ZCCHC24: variants seen among roughly 807,000 people sequenced by gnomAD.
ZCCHC24 encodes zinc finger CCHC domain-containing protein 24.
Under a neutral mutation model 26.2 loss-of-function variants are expected in ZCCHC24, and 10 were observed. That is an observed-to-expected ratio of 0.38 (90% CI 0.24 to 0.65). The LOEUF (loss-of-function observed/expected upper bound fraction) is 0.65. Ranked by LOEUF, ZCCHC24 falls within the 30% of genes least tolerant of loss-of-function variation. ZCCHC24 has a pLI of 0.54. For missense variants in ZCCHC24, 243 were observed against 329.1 expected (o/e 0.74, Z 2.03); for synonymous variants, 144 against 147.1 (o/e 0.98, Z 0.15).
chr10:79,384,044 A>C lies in ZCCHC24; in HGVS notation c.*2301T>G, dbSNP rs1407801817. The C allele has an allele frequency of 6.6e-6, 1 of 152,582 alleles. No individual in the cohort carries two copies. The highest frequency in any genetic ancestry group is 6.5e-5 in the Admixed American group (1 of 15,284). The allele number at this position is 152,582 out of a possible 1,614,324, so 9.5% of individuals were successfully genotyped here. A position where few individuals can be genotyped will look rare whatever the true frequency, so the allele number is the denominator to read the frequency against. On this transcript the variant is annotated 3_prime_UTR_variant, in exon 4 of 4. Coordinates refer to ENST00000372336, the MANE Select transcript of ZCCHC24 (RefSeq NM_153367.4). ...GCATGGCAGGGGCTTTGCTGACCAC[A>C]AGAGAGTTCCCCAGTTCAGCCAGAG...
intron 2 of ZCCHC24, among the ~76,000 whole-genome samples, chr10:79,425,728 T>C (rs1476408338): frequency 1.3e-5 from 2 of 152,216 alleles, no homozygotes; most frequent in East Asian, 3.8e-4. Context: ...AATGAGCTAA[T>C]ACATAGAATA....
At chr10:79,420,276 C>A (rs1323582018) in intron 2 of ZCCHC24, among the ~76,000 whole-genome samples, 1 of 152,140 alleles carries the variant, frequency 6.6e-6, no homozygotes, top group Non-Finnish European at 1.5e-5. Flanking sequence ...CTGGGCCTTC[C>A]CCTGTCCCCT....
At chr10:79,435,986 C>G (rs528624161) in intron 1 of ZCCHC24, among the ~76,000 whole-genome samples, 2 of 152,108 alleles carry the variant, frequency 1.3e-5, no homozygotes, top group South Asian at 2.1e-4. Context: ...TAAAATGGAG[C>G]GGGGAAGGGG....
intron 2 of ZCCHC24, among the ~76,000 whole-genome samples, chr10:79,405,877 G>A (rs1355420429): frequency 6.6e-6 from 1 of 152,266 alleles, no homozygotes. Flanking sequence ...GGCCACTCTG[G>A]CAGAGGCCTG....
chr10:79,394,188 C>G, intron 3 of ZCCHC24, 88 bp downstream of exon 3: 2 of 1,518,820 alleles, frequency 1.3e-6, no homozygotes, highest in South Asian at 1.2e-5. Context: ...AGAGATCTCC[C>G]TTGTAGGAGG....
At chr10:79,424,360 T>C (rs1460377702) in intron 2 of ZCCHC24, among the ~76,000 whole-genome samples, 1 of 152,228 alleles carries the variant, frequency 6.6e-6, no homozygotes, top group African/African-American at 2.4e-5. Context: ...CCTACCTGTT[T>C]ATGCACGTGT....
intron 2 of ZCCHC24, among the ~76,000 whole-genome samples, chr10:79,410,681 G>A (rs1447964929): frequency 2.0e-5 from 3 of 151,754 alleles, no homozygotes; most frequent in African/African-American, 4.8e-5. Flanking sequence ...CTGAAAATGC[G>A]AAAGTCTGCC....
chr10:79,416,479 T>C (rs1014380082), intron 2 of ZCCHC24, among the ~76,000 whole-genome samples: 2 of 152,032 alleles, frequency 1.3e-5, no homozygotes, highest in African/African-American at 4.8e-5. Context: ...CCTGAGCTGG[T>C]GGGATAAGGT....
intron 1 of ZCCHC24, among the ~76,000 whole-genome samples, chr10:79,438,642 AAC>A (rs1857250733): frequency 6.6e-6 from 1 of 152,186 alleles, no homozygotes; most frequent in African/African-American, 2.4e-5. Context: ...GCAAATGTAA[AAC>A]ACAGTTCCCT....
intron 2 of ZCCHC24, among the ~76,000 whole-genome samples, chr10:79,422,757 C>G (rs576739551): frequency 6.6e-6 from 1 of 152,210 alleles, no homozygotes; most frequent in Non-Finnish European, 1.5e-5. Context: ...CCAGACCTCT[C>G]GCGGCGCCCT....
At chr10:79,389,307 C>T (rs1407273124) in intron 3 of ZCCHC24, among the ~76,000 whole-genome samples, 1 of 152,222 alleles carries the variant, frequency 6.6e-6, no homozygotes, top group African/African-American at 2.4e-5. Context: ...GGGGTCACTG[C>T]CAGCTTGTTT....
chr10:79,425,462 T>G (rs1197564884), intron 2 of ZCCHC24, among the ~76,000 whole-genome samples: 1 of 152,166 alleles, frequency 6.6e-6, no homozygotes, highest in African/African-American at 2.4e-5. Flanking sequence ...CTACTTCCAG[T>G]CATCTATCTT....
At chr10:79,404,094 A>G (rs115130670) in intron 2 of ZCCHC24, among the ~76,000 whole-genome samples, 1,864 of 152,180 alleles carry the variant, frequency 0.012, 41 homozygotes, top group African/African-American at 0.043. Context: ...AAACAAACCA[A>G]AAGGGCTGGG....
chr10:79,390,931 C>T (rs992304276), intron 3 of ZCCHC24, among the ~76,000 whole-genome samples: 2 of 152,132 alleles, frequency 1.3e-5, no homozygotes, highest in African/African-American at 2.4e-5. Context: ...TGGGGAGCAC[C>T]GCCGCTGGGC....
At chr10:79,428,935 T>A (rs993821318) in intron 2 of ZCCHC24, among the ~76,000 whole-genome samples, 4 of 150,580 alleles carry the variant, frequency 2.7e-5, no homozygotes, top group African/African-American at 9.8e-5. Context: ...CAAAAAGAAA[T>A]AAAAAAAAAT....
chr10:79,396,926 C>G (rs1184252989), intron 2 of ZCCHC24, among the ~76,000 whole-genome samples: 1 of 152,130 alleles, frequency 6.6e-6, no homozygotes, highest in East Asian at 1.9e-4. Context: ...GGAGTAAATG[C>G]AAAACATTTA....
rs1857352266 is a variant in ZCCHC24 at position 79,445,384 on chromosome 10, C to T, written c.57G>A (p.Gln19=). The T allele has an allele frequency of 2.0e-6, 3 of 1,521,450 alleles. No homozygotes were observed. Among genetic ancestry groups the T allele is most frequent in the African/African-American group, 2.9e-5 (2 of 69,834 alleles). The allele number at this position is 1,521,450 out of a possible 1,614,324, so 94.2% of individuals were successfully genotyped here. ...GCGACAGGTAGACCCAGTTGAGCAG[C>T]TGGGCGGGCTGGTACACCGAGGCGG... ...TSAASVYQPA[Q]LLNWVYLSLQ... is the part of the protein sequence containing the mutation. The change falls in exon 1 of 4, where the codon CAG becomes CAA. Residue 19 remains glutamine (Q), a synonymous_variant. Coordinates refer to ENST00000372336, the MANE Select transcript of ZCCHC24 (RefSeq NM_153367.4).
intron 2 of ZCCHC24, among the ~76,000 whole-genome samples, chr10:79,412,643 G>A (rs1000810938): frequency 5.3e-5 from 8 of 152,220 alleles, no homozygotes; most frequent in East Asian, 1.9e-4. Flanking sequence ...CTGCAGCCAC[G>A]TAGAGAGATG....
At chr10:79,413,424 T>C (rs973627177) in intron 2 of ZCCHC24, among the ~76,000 whole-genome samples, 1 of 152,100 alleles carries the variant, frequency 6.6e-6, no homozygotes, top group African/African-American at 2.4e-5. Context: ...AACGGAAGAC[T>C]GTGGTCAGGC....
Sources: allele counts gnomAD v4.1 joint callset (sites outside exome capture counted in the v4.1 genomes callset), GRCh38; gene constraint gnomAD v4.1.1; transcripts MANE v1.5; gene names NCBI Gene and HGNC (gene_info 2026-07-23, HGNC 2026-07-21).